Variants in ZNF407 observed in about 807,000 individuals in gnomAD.
ZNF407 encodes the protein zinc finger protein 407.
Under a neutral mutation model 131.2 loss-of-function variants are expected in ZNF407, and 17 were observed. The ratio of observed to expected loss-of-function variants is 0.13; its 90% CI spans 0.09 to 0.19. ZNF407 has a LOEUF of 0.19. Among genes scored for constraint, ZNF407 ranks in the 10% least tolerant of loss-of-function variants. The pLI, the probability that ZNF407 is intolerant of heterozygous loss-of-function variation, is 1.00. For synonymous variants in ZNF407, 1,156 were observed against 1,062.0 expected (o/e 1.09, Z -1.72); for missense variants, 2,681 against 2,830.6 (o/e 0.95, Z 1.20).
chr18:75,040,958 C>T (rs1973365558), intron 8 of ZNF407, among the ~76,000 whole-genome samples: 1 of 152,150 alleles, frequency 6.6e-6, no homozygotes, highest in Admixed American at 6.6e-5. Flanking sequence ...ATTGTTTTTT[C>T]AGAAGCTGCA....
At chr18:74,862,941 A>G (rs1223731612) in intron 4 of ZNF407, among the ~76,000 whole-genome samples, 4 of 138,702 alleles carry the variant, frequency 2.9e-5, no homozygotes, top group Admixed American at 7.3e-5. Flanking sequence ...TTTTTTTGAG[A>G]TGAAGTTTTG....
chr18:75,020,246 G>A (rs1261954417), intron 8 of ZNF407, among the ~76,000 whole-genome samples: 1 of 151,962 alleles, frequency 6.6e-6, no homozygotes, highest in East Asian at 1.9e-4. Flanking sequence ...AGCATATAGT[G>A]TGTATGTGTA....
At chr18:74,726,160 T>C (rs1205425631) in intron 3 of ZNF407, among the ~76,000 whole-genome samples, 2 of 152,206 alleles carry the variant, frequency 1.3e-5, no homozygotes, top group Admixed American at 6.5e-5. Context: ...TTTATTCAGC[T>C]GTCCCCTTCC....
chr18:74,692,129 G>A (rs1172158857), intron 3 of ZNF407, among the ~76,000 whole-genome samples: 1 of 151,952 alleles, frequency 6.6e-6, no homozygotes. Flanking sequence ...GTGGGTGTGT[G>A]TGTGTGGAAA....
intron 3 of ZNF407, among the ~76,000 whole-genome samples, chr18:74,755,881 C>T: frequency 6.2e-5 from 3 of 48,770 alleles, no homozygotes; most frequent in Non-Finnish European, 1.1e-4. Context: ...TCCTCTTTTC[C>T]TTCCTTTTTT....
At chr18:74,904,903 G>A (rs1414730989) in intron 7 of ZNF407, among the ~76,000 whole-genome samples, 1 of 152,188 alleles carries the variant, frequency 6.6e-6, no homozygotes, top group Non-Finnish European at 1.5e-5. Flanking sequence ...AGTTAGAAAA[G>A]CATTTGGAAT....
intron 8 of ZNF407, among the ~76,000 whole-genome samples, chr18:75,044,206 C>T (rs1973406042): frequency 6.6e-6 from 1 of 151,910 alleles, no homozygotes; most frequent in African/African-American, 2.4e-5. Flanking sequence ...ATAATCTCCC[C>T]CTCTCCCTTT....
chr18:75,063,010 A>G lies in ZNF407; in HGVS notation c.5429-140A>G. The G allele has an allele frequency of 4.0e-6, 3 of 759,036 alleles. No homozygotes were observed. The highest frequency in any genetic ancestry group is 5.4e-5 in the East Asian group (2 of 37,218). The allele number at this position is 759,036 out of a possible 1,614,324, so 47.0% of individuals were successfully genotyped here. A position where few individuals can be genotyped will look rare whatever the true frequency, so the allele number is the denominator to read the frequency against. ...GGCCTCTGGCCCTGCTGAAGCTTGC[A>G]CTGTAGAGAGCTCTTCAGGGTTTGG... On this transcript the variant is annotated intron_variant, in intron 8 of 8. Coordinates refer to ENST00000299687, the MANE Select transcript of ZNF407 (RefSeq NM_017757.3). The surrounding 1 kb of genome is among the most constrained non-coding windows in gnomAD (Gnocchi z 6.6).
intron 4 of ZNF407, among the ~76,000 whole-genome samples, chr18:74,845,984 C>G (rs1437282892): frequency 2.6e-5 from 4 of 152,176 alleles, no homozygotes; most frequent in Admixed American, 6.5e-5. Context: ...TACTTAAAAT[C>G]TAAGTAAAAT....
intron 8 of ZNF407, among the ~76,000 whole-genome samples, chr18:74,970,037 C>A (rs138831527): frequency 1.3e-5 from 2 of 152,096 alleles, no homozygotes; most frequent in Admixed American, 6.5e-5. Flanking sequence ...TCTTTCATGG[C>A]GGCAGCAAGA....
chr18:74,827,330 A>C (rs1970422196), intron 4 of ZNF407, among the ~76,000 whole-genome samples: 1 of 152,182 alleles, frequency 6.6e-6, no homozygotes. Context: ...AATTAGTGCT[A>C]TAATGGTTGC....
At chr18:74,894,310 G>T (rs1278858510) in intron 7 of ZNF407, among the ~76,000 whole-genome samples, 2 of 151,852 alleles carry the variant, frequency 1.3e-5, no homozygotes, top group Non-Finnish European at 2.9e-5. Flanking sequence ...TAGAACACTG[G>T]TCTAGAATAT....
Position 74,719,190 on chromosome 18 carries a change from A to G in ZNF407, c.4803-62238A>G, listed in dbSNP as rs140048197. 5.9e-5 allele frequency among the ~76,000 whole-genome samples: 9 copies of G among 152,146 alleles called. No individual in the cohort carries two copies. The East Asian group carries it at 1.4e-3, about 23-fold the overall frequency. ...TTATCATTTGTATTGGGAACATTCA[A>G]TATCCTCCTCCTAGCTGTTTGAAAG... On this transcript the variant is annotated intron_variant, in intron 3 of 8. Transcript: ENST00000299687.
chr18:74,755,551 T>TCCCTC lies in ZNF407; in HGVS notation c.4803-25875_4803-25874insCTCCC, dbSNP rs1568199502. On this transcript the variant is annotated intron_variant, in intron 3 of 8. Coordinates refer to ENST00000299687, the MANE Select transcript of ZNF407 (RefSeq NM_017757.3). Reference sequence around the variant, plus strand: ...TCTTTCCCTCTCTCCCTCCCTCCCTTCCTTCTTCCTTCCTTCCTTCCTCCT... The same window carrying TCCCTC: ...TCTTTCCCTCTCTCCCTCCCTCCCTTCCCTCCCTTCTTCCTTCCTTCCTTCCTCCT... 8.8e-3 allele frequency among the ~76,000 whole-genome samples: 99 copies of TCCCTC among 11,248 alleles called. 3 individuals are homozygous for TCCCTC. The highest frequency in any genetic ancestry group is 0.016 in the African/African-American group (63 of 3,860). 7.4% of individuals were successfully genotyped at this position (11,248 alleles called of 152,430 possible). A position where few individuals can be genotyped will look rare whatever the true frequency, so the allele number is the denominator to read the frequency against.
intron 3 of ZNF407, among the ~76,000 whole-genome samples, chr18:74,763,601 A>G (rs1244602385): frequency 6.6e-6 from 1 of 151,680 alleles, no homozygotes; most frequent in Non-Finnish European, 1.5e-5. Context: ...ATGAGTTTCT[A>G]CTACAAGTGT....
intron 3 of ZNF407, among the ~76,000 whole-genome samples, chr18:74,700,598 C>T (rs578247837): frequency 1.2e-4 from 18 of 152,278 alleles, no homozygotes; most frequent in South Asian, 1.0e-3. Flanking sequence ...TATAATTTCT[C>T]GATTAAAGTT....
At chr18:74,853,264 G>A (rs1040534888) in intron 4 of ZNF407, among the ~76,000 whole-genome samples, 1 of 152,156 alleles carries the variant, frequency 6.6e-6, no homozygotes, top group Non-Finnish European at 1.5e-5. Flanking sequence ...TACTTCTATG[G>A]CATTCATGTT....
chr18:74,788,848 T>C (rs1307187295), intron 4 of ZNF407, among the ~76,000 whole-genome samples: 1 of 150,062 alleles, frequency 6.7e-6, no homozygotes, highest in East Asian at 1.9e-4. Flanking sequence ...ATTAATAAAC[T>C]TGAATATTAT....
At chr18:74,638,155 C>T (rs529416770) in intron 2 of ZNF407, among the ~76,000 whole-genome samples, 1 of 152,256 alleles carries the variant, frequency 6.6e-6, no homozygotes, top group African/African-American at 2.4e-5. Flanking sequence ...CAGGGAGATA[C>T]GGAGTGTGTG....
Sources: allele counts gnomAD v4.1 joint callset (sites outside exome capture counted in the v4.1 genomes callset), GRCh38; gene constraint gnomAD v4.1.1; non-coding constraint Gnocchi (gnomAD v3.1); transcripts MANE v1.5; gene names NCBI Gene and HGNC (gene_info 2026-07-23, HGNC 2026-07-21).